Variants in HEATR4 observed in about 807,000 individuals in gnomAD.
The protein encoded by HEATR4 is HEAT repeat-containing protein 4.
Under a neutral mutation model 108.8 loss-of-function variants are expected in HEATR4, and 95 were observed. That is an observed-to-expected ratio of 0.87 (90% confidence interval 0.74 to 1.04). The LOEUF (loss-of-function observed/expected upper bound fraction) is 1.04. Ranked by LOEUF, HEATR4 falls within the 50% of genes least tolerant of loss-of-function variation. The pLI is 0.00. For missense variants in HEATR4, 1,152 were observed against 1,253.8 expected (o/e 0.92, Z 1.23); for synonymous variants, 443 against 459.4 (o/e 0.96, Z 0.46).
chr14:73,522,936 A>G lies in HEATR4; in HGVS notation c.217T>C (p.Phe73Leu), dbSNP rs1244370547. 4 of 1,614,196 alleles carry G rather than the reference A, an allele frequency of 2.5e-6. No homozygotes were observed. The Middle Eastern group carries it at 4.9e-4, about 200-fold the overall frequency. The change falls in exon 3 of 18, where the codon TTC (phenylalanine) becomes CTC (leucine). Residue 73 changes from phenylalanine (F) to leucine (L), a missense_variant. Coordinates refer to ENST00000553558, the MANE Select transcript of HEATR4 (RefSeq NM_001220484.1). ...CGCTGCCACACCACCTCCTGAGAGA[A>G]GGTAAGGTTTGCAGCAGCCATTTTC... ...YLKMAAANLT[F>L]SQEVVWQRGL...
the HEATR4 span, chr14:73,567,979 G>A: frequency 6.6e-6 from 1 of 152,116 alleles, no homozygotes; most frequent in Non-Finnish European, 1.5e-5. Context: ...ATTAAGAACT[G>A]TAACAGTCAC....
At chr14:73,561,963 GT>G (rs545160904), upstream of HEATR4, among the ~76,000 whole-genome samples, 715 of 152,206 alleles carry the variant, frequency 4.7e-3, 8 homozygotes, top group South Asian at 0.02. Flanking sequence ...CAGAGCCTGG[GT>G]GACAGAGCAA....
At chr14:73,576,522 C>T in the HEATR4 span, among the ~76,000 whole-genome samples, 1 of 151,586 alleles carries the variant, frequency 6.6e-6, no homozygotes, top group East Asian at 1.9e-4. Flanking sequence ...ACAATTTAGG[C>T]TTGGCGTTGG....
At chr14:73,551,809 T>TAA (rs1291975751) in intron 1 of HEATR4, among the ~76,000 whole-genome samples, 11 of 80,498 alleles carry the variant, frequency 1.4e-4, no homozygotes, top group Non-Finnish European at 1.5e-4. Flanking sequence ...ATCTCCGTCT[T>TAA]AAAAAAAAAA....
chr14:73,572,668 GAC>G, the HEATR4 span, among the ~76,000 whole-genome samples: 1 of 120,802 alleles, frequency 8.3e-6, no homozygotes, highest in African/African-American at 3.0e-5. Context: ...TTTTTTTTGA[GAC>G]AGTGTCTCGC....
upstream of HEATR4, among the ~76,000 whole-genome samples, chr14:73,560,370 A>G (rs560141514): frequency 6.6e-6 from 1 of 152,200 alleles, no homozygotes; most frequent in South Asian, 2.1e-4. Flanking sequence ...CTGTTATGAA[A>G]AGTAAAGACT....
the HEATR4 span, among the ~76,000 whole-genome samples, chr14:73,572,432 A>T: frequency 1.3e-5 from 2 of 151,996 alleles, 1 homozygote; most frequent in Non-Finnish European, 2.9e-5. Flanking sequence ...GTATCATTCC[A>T]TTTAGATACA....
At position 73,523,027 on chromosome 14, in the gene HEATR4, A is replaced by G; in HGVS notation, c.126T>C (p.Ser42=). The change falls in exon 3 of 18, where the codon TCT becomes TCC. Residue 42 remains serine (S), a synonymous_variant. Coordinates refer to ENST00000553558, the MANE Select transcript of HEATR4 (RefSeq NM_001220484.1). ...AGAAGACCATAGGCACACTGGAGAC[A>G]GAGGCACACTCCTCCTTGCCTTTCA... ...SKLKGKEECA[S]VSSVPMVFFS... 6.2e-7 allele frequency: 1 copy of G among 1,614,242 alleles called. No homozygotes were observed. The highest frequency in any genetic ancestry group is 8.5e-7 in the Non-Finnish European group (1 of 1,180,046).
the HEATR4 span, among the ~76,000 whole-genome samples, chr14:73,598,140 G>A: frequency 6.7e-5 from 10 of 148,592 alleles, no homozygotes; most frequent in Non-Finnish European, 1.3e-4. Flanking sequence ...TTGGGAGGCC[G>A]AGGTGGGCGG....
chr14:73,581,515 T>C, the HEATR4 span: 5 of 151,832 alleles, frequency 3.3e-5, no homozygotes, highest in African/African-American at 1.2e-4. Flanking sequence ...ACAATGGGTA[T>C]AACAACAATC....
At chr14:73,578,495 A>C in the HEATR4 span, among the ~76,000 whole-genome samples, 368 of 152,036 alleles carry the variant, frequency 2.4e-3, no homozygotes, top group African/African-American at 8.3e-3. Flanking sequence ...TACCACACTG[A>C]TTGGATTATA....
the HEATR4 span, among the ~76,000 whole-genome samples, chr14:73,609,000 T>C: frequency 2.0e-5 from 3 of 152,208 alleles, no homozygotes; most frequent in Admixed American, 6.5e-5. Context: ...ACCCCCATGA[T>C]TCAATTTCCT....
chr14:73,570,438 G>A, the HEATR4 span, among the ~76,000 whole-genome samples: 1 of 151,874 alleles, frequency 6.6e-6, no homozygotes, highest in African/African-American at 2.4e-5. Flanking sequence ...GCGTAGTAGC[G>A]GGCGCCTGTA....
chr14:73,506,817 T>TTTTTTTTTTTTTTTTTTTTTTTTTG, intron 9 of HEATR4, among the ~76,000 whole-genome samples: 1 of 135,690 alleles, frequency 7.4e-6, no homozygotes, highest in Admixed American at 7.3e-5. Context: ...TTTTTTTTTT[T>TTTTTTTTTTTTTTTTTTTTTTTTTG]TTTTTTTTCT....
At chr14:73,594,710 T>TTATC in the HEATR4 span, among the ~76,000 whole-genome samples, 4 of 151,060 alleles carry the variant, frequency 2.6e-5, no homozygotes, top group African/African-American at 7.4e-5. Context: ...ATTTATTTAT[T>TTATC]TATCTTTTGA....
At chr14:73,628,316 A>C in the HEATR4 span, among the ~76,000 whole-genome samples, 1 of 152,202 alleles carries the variant, frequency 6.6e-6, no homozygotes. Context: ...TTTAATTTAA[A>C]GAAAATTGAT....
chr14:73,574,587 T>C, the HEATR4 span, among the ~76,000 whole-genome samples: 44 of 152,112 alleles, frequency 2.9e-4, 2 homozygotes, highest in South Asian at 7.7e-3. Context: ...TTGTTGATGA[T>C]GACTCAGTTT....
At position 73,512,176 on chromosome 14, in the gene HEATR4, G is replaced by A. The variant is rs541712063; in HGVS notation, c.1415-27C>T. The A allele has an allele frequency of 3.1e-6, 5 of 1,613,530 alleles. No individual in the cohort carries two copies. In the African/African-American group the frequency reaches 4.0e-5, roughly 13 times the overall value. On this transcript the variant is annotated intron_variant, in intron 6 of 17. Transcript: ENST00000553558. The stretch of plus-strand genomic sequence containing the variant: ...TGAGCCGCAGTGAGGGAAATGAAAA[G>A]AGAACCACCTGGTTAGGGTTAGATA...
intron 17 of HEATR4, chr14:73,491,732 C>T: frequency 6.4e-7 from 1 of 1,553,486 alleles, no homozygotes; most frequent in East Asian, 2.4e-5. Context: ...CACCTACTAC[C>T]AGGGACTTTT....
Sources: allele counts gnomAD v4.1 joint callset (sites outside exome capture counted in the v4.1 genomes callset), GRCh38; gene constraint gnomAD v4.1.1; transcripts MANE v1.5; gene names NCBI Gene and HGNC (gene_info 2026-07-23, HGNC 2026-07-21).